ENOX1: variants seen among roughly 807,000 people sequenced by gnomAD.
ENOX1 encodes the protein candidate growth-related and time keeping constitutive hydroquinone (NADH) oxidase.
ENOX1 carries 42 observed loss-of-function variants against 82.5 expected under a neutral mutation model. The observed-to-expected ratio is 0.51, with a 90% CI of 0.40 to 0.66. ENOX1 has a LOEUF of 0.66. ENOX1 is among the 30% of genes least tolerant of loss of function. ENOX1 has a pLI of 0.00. For synonymous variants in ENOX1, 271 were observed against 282.2 expected, an observed-to-expected ratio of 0.96 and a Z score of 0.40; for missense variants, 608 against 811.6, an observed-to-expected ratio of 0.75 and a Z score of 3.05.
At chr13:43,595,977 T>C (rs2081453671) in intron 2 of ENOX1, among the ~76,000 whole-genome samples, 3 of 152,210 alleles carry the variant, frequency 2.0e-5, no homozygotes, top group Admixed American at 1.3e-4. Flanking sequence ...CTTCAAAATG[T>C]GTGCAAGTAA....
intron 1 of ENOX1, among the ~76,000 whole-genome samples, chr13:43,718,676 C>CAAAAAAAAAAAAAAA (rs61671392): frequency 1.8e-5 from 1 of 55,592 alleles, no homozygotes; most frequent in African/African-American, 7.9e-5. Flanking sequence ...GACTCCGTCT[C>CAAAAAAAAAAAAAAA]AAAAAAAAAA....
chr13:43,710,835 T>C (rs1312944571), intron 1 of ENOX1, among the ~76,000 whole-genome samples: 1 of 151,408 alleles, frequency 6.6e-6, no homozygotes, highest in Non-Finnish European at 1.5e-5. Flanking sequence ...AGTAGAAAAA[T>C]AGAAAATAAG....
At chr13:43,400,625 G>C (rs1010097830) in intron 5 of ENOX1, among the ~76,000 whole-genome samples, 8 of 152,086 alleles carry the variant, frequency 5.3e-5, no homozygotes, top group African/African-American at 1.7e-4. Flanking sequence ...GTTGTTCCTG[G>C]TTCAACTTTA....
intron 2 of ENOX1, among the ~76,000 whole-genome samples, chr13:43,631,337 T>C (rs1273322031): frequency 6.6e-6 from 1 of 152,180 alleles, no homozygotes; most frequent in Admixed American, 6.5e-5. Flanking sequence ...GCCTCAGCAC[T>C]GAAAAGAGAT....
chr13:43,712,957 A>G (rs377308944), intron 1 of ENOX1, among the ~76,000 whole-genome samples: 3 of 152,036 alleles, frequency 2.0e-5, no homozygotes, highest in East Asian at 1.9e-4. Flanking sequence ...ATGTTGAATA[A>G]GAGTGGTGAG....
At chr13:43,258,233 C>T (rs189666259) in intron 14 of ENOX1, among the ~76,000 whole-genome samples, 3 of 152,312 alleles carry the variant, frequency 2.0e-5, no homozygotes, top group Non-Finnish European at 4.4e-5. Context: ...CCTTGGAGCT[C>T]TGTACATGCT....
intron 12 of ENOX1, among the ~76,000 whole-genome samples, chr13:43,272,767 C>T (rs1046932592): frequency 1.3e-5 from 2 of 152,156 alleles, no homozygotes; most frequent in Admixed American, 6.5e-5. Context: ...CAGGCACTGA[C>T]CATTTTTAAA....
chr13:43,683,056 T>C lies in ENOX1; in HGVS notation c.-284-15512A>G, dbSNP rs1321175112. ...AGAATGTGGCACGTCAAATCTAAGG[T>C]ATCTCATCCTTTATCTTTGGAATTG... On this transcript the variant is annotated intron_variant, in intron 1 of 16. Coordinates refer to ENST00000690772, the MANE Select transcript of ENOX1 (RefSeq NM_001347969.2). Among the ~76,000 whole-genome samples the C allele has an allele frequency of 2.0e-5, 3 of 152,154 alleles. No individual in the cohort carries two copies. In the East Asian group the frequency reaches 5.8e-4, roughly 29 times the overall value.
rs541615636 is a variant in ENOX1 at position 43,563,611 on chromosome 13, CA to C, written c.-218-79460del. On this transcript the variant is annotated intron_variant, in intron 2 of 16. Transcript: ENST00000690772. Reference sequence around the variant, plus strand: ...AAAGTTGGTTTTTCGAAAAGTTAAACAAAATTGACAAACCTTTACCTAGATT... The same window carrying C: ...AAAGTTGGTTTTTCGAAAAGTTAAACAAATTGACAAACCTTTACCTAGATT... Among the ~76,000 whole-genome samples the C allele has an allele frequency of 4.6e-3, 699 of 151,792 alleles. 1 individual carries two copies. Among genetic ancestry groups the C allele is most frequent in the African/African-American group, 0.016 (673 of 41,430 alleles).
intron 2 of ENOX1, among the ~76,000 whole-genome samples, chr13:43,491,459 T>G (rs1432404202): frequency 2.0e-5 from 3 of 152,110 alleles, no homozygotes; most frequent in South Asian, 2.1e-4. Flanking sequence ...GCTATAGTGG[T>G]GATAAACATT....
intron 1 of ENOX1, among the ~76,000 whole-genome samples, chr13:43,719,279 T>C (rs2088381907): frequency 7.0e-6 from 1 of 143,138 alleles, no homozygotes; most frequent in East Asian, 2.1e-4. Flanking sequence ...TGAGTTGTAG[T>C]ACTCCATATA....
intron 14 of ENOX1, among the ~76,000 whole-genome samples, chr13:43,261,443 C>G (rs1246906575): frequency 6.6e-6 from 1 of 152,178 alleles, no homozygotes; most frequent in African/African-American, 2.4e-5. Context: ...ATATGAGATG[C>G]AACCAAGATT....
intron 5 of ENOX1, among the ~76,000 whole-genome samples, chr13:43,406,973 T>C (rs1045615125): frequency 6.6e-6 from 1 of 152,188 alleles, no homozygotes; most frequent in African/African-American, 2.4e-5. Flanking sequence ...GGCCAGAGAA[T>C]ATCCAGAAAG....
At chr13:43,643,608 C>A (rs2083755955) in intron 2 of ENOX1, among the ~76,000 whole-genome samples, 2 of 150,604 alleles carry the variant, frequency 1.3e-5, no homozygotes. Flanking sequence ...TATGTATGTG[C>A]ATGTATATGT....
chr13:43,361,237 A>C, intron 6 of ENOX1, 42 bp downstream of exon 6: 1 of 1,592,650 alleles, frequency 6.3e-7, no homozygotes, highest in Non-Finnish European at 8.6e-7. Context: ...TAAAAAGAAA[A>C]ACATTTAAAA....
chr13:43,320,403 A>T (rs1026120954), intron 11 of ENOX1, among the ~76,000 whole-genome samples: 1 of 152,176 alleles, frequency 6.6e-6, no homozygotes, highest in Non-Finnish European at 1.5e-5. Context: ...AGTTTTTTTT[A>T]AAAGTTCAGG....
At chr13:43,715,038 G>A (rs1475246839) in intron 1 of ENOX1, among the ~76,000 whole-genome samples, 2 of 152,212 alleles carry the variant, frequency 1.3e-5, no homozygotes, top group African/African-American at 4.8e-5. Context: ...TGTTTTTGCA[G>A]TGGCTGGTAC....
intron 12 of ENOX1, among the ~76,000 whole-genome samples, chr13:43,296,333 C>A (rs988060340): frequency 6.6e-6 from 1 of 152,194 alleles, no homozygotes; most frequent in Non-Finnish European, 1.5e-5. Context: ...GACACACACA[C>A]ACGGAGAATG....
chr13:43,349,933 AG>A (rs2049663473), intron 8 of ENOX1, among the ~76,000 whole-genome samples: 1 of 152,234 alleles, frequency 6.6e-6, no homozygotes, highest in Admixed American at 6.5e-5. Flanking sequence ...GGAAATAAAA[AG>A]GGTTCAAGAC....
Sources: gnomAD v4.1 joint callset for allele counts (sites outside exome capture counted in the v4.1 genomes callset) on GRCh38, gnomAD v4.1.1 for gene constraint, MANE v1.5 for transcripts, NCBI Gene and HGNC (gene_info 2026-07-23, HGNC 2026-07-21) for gene names.